The following FAM222B variants were observed in gnomAD, a reference collection of about 807,000 sequenced individuals.
The protein encoded by FAM222B is family with sequence similarity 222 member B, also known as protein FAM222B.
A neutral mutation model predicts 38.0 loss-of-function variants in FAM222B; 12 were observed. That is an observed-to-expected ratio of 0.32 (90% CI 0.20 to 0.51). The LOEUF (loss-of-function observed/expected upper bound fraction) is 0.51, where lower values mean the gene tolerates loss of function less well. FAM222B is among the 20% of genes least tolerant of loss of function. The probability of loss-of-function intolerance (pLI) is 0.97; values close to 1 mark genes in which losing one functional copy is unlikely to be tolerated. For missense variants in FAM222B, 716 were observed against 754.2 expected, an observed-to-expected ratio of 0.95 and a Z score of 0.59; for synonymous variants, 329 against 317.2, an observed-to-expected ratio of 1.04 and a Z score of -0.40.
chr17:28,796,540 C>A (rs991479099), intron 1 of FAM222B, among the ~76,000 whole-genome samples: 1 of 152,184 alleles, frequency 6.6e-6, no homozygotes, highest in Non-Finnish European at 1.5e-5. Flanking sequence ...CTGATCTCCA[C>A]ACCATGCTAC....
intron 1 of FAM222B, among the ~76,000 whole-genome samples, chr17:28,854,461 A>T (rs1489503699): frequency 6.6e-6 from 1 of 152,212 alleles, no homozygotes; most frequent in Non-Finnish European, 1.5e-5. Context: ...AGGGAAATCC[A>T]GACCTGCTCT....
At chr17:28,782,600 TG>T (rs1398933473) in intron 1 of FAM222B, among the ~76,000 whole-genome samples, 1 of 152,234 alleles carries the variant, frequency 6.6e-6, no homozygotes, top group East Asian at 1.9e-4. Flanking sequence ...ATATGAATGC[TG>T]GGTATGTAAA....
At chr17:28,827,892 G>T (rs1189775306) in intron 1 of FAM222B, among the ~76,000 whole-genome samples, 1 of 152,042 alleles carries the variant, frequency 6.6e-6, no homozygotes, top group Non-Finnish European at 1.5e-5. Flanking sequence ...GACTAGAGGG[G>T]TGATAAGCCT....
At chr17:28,788,426 A>G (rs1427742315) in intron 1 of FAM222B, among the ~76,000 whole-genome samples, 1 of 151,474 alleles carries the variant, frequency 6.6e-6, no homozygotes, top group Non-Finnish European at 1.5e-5. Flanking sequence ...TTTTATAGAG[A>G]CAGGTTTTTG....
intron 1 of FAM222B, among the ~76,000 whole-genome samples, chr17:28,817,300 A>G (rs1478045748): frequency 6.6e-6 from 1 of 151,548 alleles, no homozygotes; most frequent in Non-Finnish European, 1.5e-5. Flanking sequence ...GTAATCCCAG[A>G]TACTCAGGAG....
At chr17:28,791,986 G>A (rs1473951799) in intron 1 of FAM222B, among the ~76,000 whole-genome samples, 2 of 150,988 alleles carry the variant, frequency 1.3e-5, no homozygotes, top group Non-Finnish European at 3.0e-5. Context: ...AGACCACCCT[G>A]GATAGCAAAG....
In FAM222B at chr17:28,756,493, G is replaced by C. The variant is rs2034700019; in HGVS notation, c.*1777C>G. The C allele has an allele frequency of 6.6e-6, 1 of 152,454 alleles. No homozygotes were observed. Among genetic ancestry groups the C allele is most frequent in the Non-Finnish European group, 1.5e-5 (1 of 68,046 alleles). The allele number at this position is 152,454 out of a possible 1,614,324, so 9.4% of individuals were successfully genotyped here. A position where few individuals can be genotyped will look rare whatever the true frequency, so the allele number is the denominator to read the frequency against. ...TATCTGCTTTGGAGATCAAGCAAGGGGTAGGGGGAAGACAGTGGTGCTCTT... is the reference window on the plus strand; with the variant it reads ...TATCTGCTTTGGAGATCAAGCAAGGCGTAGGGGGAAGACAGTGGTGCTCTT... On this transcript the variant is annotated 3_prime_UTR_variant, in exon 3 of 3. Coordinates refer to ENST00000581407, the MANE Select transcript of FAM222B (RefSeq NM_001077498.3).
intron 1 of FAM222B, among the ~76,000 whole-genome samples, chr17:28,790,730 T>C (rs1261225012): frequency 6.6e-6 from 1 of 152,044 alleles, no homozygotes; most frequent in Non-Finnish European, 1.5e-5. Context: ...ACAGTTGTAT[T>C]GTGGTAAAGT....
chr17:28,802,941 A>C (rs2037307362), intron 1 of FAM222B: 1 of 152,152 alleles, frequency 6.6e-6, no homozygotes, highest in Non-Finnish European at 1.5e-5. Flanking sequence ...AACAGCTCTG[A>C]TTATTAGCAA....
At chr17:28,849,415 T>C (rs1184420984) in intron 1 of FAM222B, 2 of 152,394 alleles carry the variant, frequency 1.3e-5, no homozygotes, top group Admixed American at 1.3e-4. Flanking sequence ...CCCAATTCCT[T>C]CCCTGCTATT....
At chr17:28,804,426 T>A (rs2037383403) in intron 1 of FAM222B, among the ~76,000 whole-genome samples, 1 of 151,720 alleles carries the variant, frequency 6.6e-6, no homozygotes, top group South Asian at 2.1e-4. Context: ...CCTCCACCTC[T>A]CGGGTTCAAG....
At chr17:28,761,554 C>T (rs916952878) in intron 2 of FAM222B, among the ~76,000 whole-genome samples, 40 of 152,226 alleles carry the variant, frequency 2.6e-4, no homozygotes, top group Non-Finnish European at 1.0e-4. Context: ...CACTGGGCAT[C>T]ACCTAGAACA....
intron 1 of FAM222B, among the ~76,000 whole-genome samples, chr17:28,792,806 G>C (rs1028875170): frequency 6.7e-6 from 1 of 149,612 alleles, no homozygotes; most frequent in Non-Finnish European, 1.5e-5. Context: ...AAAGAAAGAA[G>C]AAACAAACAG....
At chr17:28,809,749 G>C (rs941273505) in intron 1 of FAM222B, among the ~76,000 whole-genome samples, 1 of 152,156 alleles carries the variant, frequency 6.6e-6, no homozygotes, top group African/African-American at 2.4e-5. Flanking sequence ...GCCTCTGGGA[G>C]GGCTGCTTGA....
At chr17:28,844,551 A>C (rs1232296435), upstream of FAM222B, among the ~76,000 whole-genome samples, 1 of 152,064 alleles carries the variant, frequency 6.6e-6, no homozygotes, top group Non-Finnish European at 1.5e-5. Flanking sequence ...CCAGCTACTC[A>C]GGAGGCTGAG....
chr17:28,797,232 C>T (rs182071997), intron 1 of FAM222B, among the ~76,000 whole-genome samples: 29 of 152,018 alleles, frequency 1.9e-4, no homozygotes, highest in Non-Finnish European at 3.8e-4. Context: ...CTGGCCTCAA[C>T]TGATCTGCCC....
chr17:28,758,979 A>G lies in FAM222B; in HGVS notation c.980T>C (p.Met327Thr). 1 of 1,612,056 alleles carries G rather than the reference A, an allele frequency of 6.2e-7. No individual in the cohort carries two copies. The highest frequency in any genetic ancestry group is 1.3e-5 in the African/African-American group (1 of 75,044). ...TPMPSCVVNP[M>T]EHTHAATAAL... The stretch of plus-strand genomic sequence containing the variant: ...GGCGGTGGCCGCGTGGGTGTGCTCC[A>G]TGGGATTGACCACACATGAAGGCAT... Residue 327 changes from methionine (M) to threonine (T), a missense_variant, in exon 3 of 3, where the codon ATG (methionine) becomes ACG (threonine). Met to Thr is a moderately conservative substitution (Grantham distance 81). Coordinates refer to ENST00000581407, the MANE Select transcript of FAM222B (RefSeq NM_001077498.3).
chr17:28,783,098 A>G (rs2036232637), intron 1 of FAM222B, among the ~76,000 whole-genome samples: 1 of 151,168 alleles, frequency 6.6e-6, no homozygotes, highest in African/African-American at 2.4e-5. Flanking sequence ...AGATCGTGCC[A>G]CTGCACTCCA....
chr17:28,794,304 C>T (rs1446740004), intron 1 of FAM222B, among the ~76,000 whole-genome samples: 2 of 151,676 alleles, frequency 1.3e-5, no homozygotes, highest in African/African-American at 4.8e-5. Context: ...CAGCAACTTC[C>T]ATCTCCCGGG....
Sources: allele counts gnomAD v4.1 joint callset (sites outside exome capture counted in the v4.1 genomes callset), GRCh38; gene constraint gnomAD v4.1.1; transcripts MANE v1.5; gene names NCBI Gene and HGNC (gene_info 2026-07-23, HGNC 2026-07-21).